Variants in GABBR2 observed in about 807,000 individuals in gnomAD.
GABBR2 encodes gamma-aminobutyric acid type B receptor subunit 2.
GABBR2 carries 23 observed loss-of-function variants against 105.6 expected under a neutral mutation model. The ratio of observed to expected loss-of-function variants is 0.22; its 90% confidence interval spans 0.16 to 0.31. The LOEUF (loss-of-function observed/expected upper bound fraction) is 0.31, where lower values mean the gene tolerates loss of function less well. Ranked by LOEUF, GABBR2 falls within the 10% of genes least tolerant of loss-of-function variation. GABBR2 has a pLI of 1.00. For synonymous variants in GABBR2, 478 were observed against 499.7 expected (o/e 0.96, Z 0.58); for missense variants, 734 against 1,245.5 (o/e 0.59, Z 6.18).
At chr9:98,436,302 TACCCATAA>T (rs1564068029) in intron 7 of GABBR2, among the ~76,000 whole-genome samples, 10 of 93,868 alleles carry the variant, frequency 1.1e-4, no homozygotes, top group Non-Finnish European at 1.6e-4. Context: ...TATATATATA[TACCCATAA>T]ATATACCATA....
intron 1 of GABBR2, among the ~76,000 whole-genome samples, chr9:98,591,512 G>A (rs1179781274): frequency 1.3e-5 from 2 of 152,200 alleles, no homozygotes; most frequent in Non-Finnish European, 1.5e-5. Flanking sequence ...TGGGGCAGAG[G>A]AGGAAGACCC....
At chr9:98,519,182 C>G (rs954559843) in intron 3 of GABBR2, among the ~76,000 whole-genome samples, 1 of 152,210 alleles carries the variant, frequency 6.6e-6, no homozygotes, top group Non-Finnish European at 1.5e-5. Flanking sequence ...GTCTGAGCCC[C>G]TGTCAGATTT....
At chr9:98,503,798 C>T (rs554138418) in intron 3 of GABBR2, among the ~76,000 whole-genome samples, 2 of 152,096 alleles carry the variant, frequency 1.3e-5, no homozygotes, top group South Asian at 2.1e-4. Context: ...CTGGGGCTGC[C>T]GTCACCTAAA....
At chr9:98,591,911 A>G (rs1292943177) in intron 1 of GABBR2, among the ~76,000 whole-genome samples, 4 of 152,248 alleles carry the variant, frequency 2.6e-5, no homozygotes, top group Admixed American at 2.6e-4. Flanking sequence ...TTTGTCATTC[A>G]GCAGAGTTTG....
chr9:98,367,723 C>T (rs987636676), intron 12 of GABBR2, among the ~76,000 whole-genome samples: 3 of 152,152 alleles, frequency 2.0e-5, no homozygotes, highest in South Asian at 2.1e-4. Context: ...AGCCGGTTTG[C>T]GGTGCTGTGG....
intron 1 of GABBR2, among the ~76,000 whole-genome samples, chr9:98,641,634 T>C (rs1365940185): frequency 1.3e-5 from 2 of 152,226 alleles, no homozygotes; most frequent in African/African-American, 4.8e-5. Flanking sequence ...CCTTCCTCTG[T>C]CTTTGCTCCC....
chr9:98,590,665 C>G (rs1020834965), intron 1 of GABBR2, among the ~76,000 whole-genome samples: 2 of 152,230 alleles, frequency 1.3e-5, no homozygotes. Context: ...GGGGCTGGAT[C>G]GCCCTCTTAA....
intron 3 of GABBR2, among the ~76,000 whole-genome samples, chr9:98,503,263 G>T (rs1827441696): frequency 6.6e-6 from 1 of 152,152 alleles, no homozygotes; most frequent in Non-Finnish European, 1.5e-5. Flanking sequence ...GTCCTAGCGG[G>T]CTTAATGCAG....
chr9:98,653,368 A>G (rs1588270214), intron 1 of GABBR2, among the ~76,000 whole-genome samples: 1 of 152,324 alleles, frequency 6.6e-6, no homozygotes, highest in East Asian at 1.9e-4. Context: ...CCTTTCTCTA[A>G]GCAGTTAGTC....
At chr9:98,525,094 T>A (rs1042123080) in intron 3 of GABBR2, among the ~76,000 whole-genome samples, 2 of 152,178 alleles carry the variant, frequency 1.3e-5, no homozygotes, top group Non-Finnish European at 2.9e-5. Flanking sequence ...TTCATGACCT[T>A]GAATTAGACA....
At chr9:98,582,995 T>C (rs1829022600) in intron 1 of GABBR2, among the ~76,000 whole-genome samples, 1 of 152,078 alleles carries the variant, frequency 6.6e-6, no homozygotes, top group South Asian at 2.1e-4. Context: ...ATTCCAATAG[T>C]CTAGAGACTC....
chr9:98,410,888 C>T (rs1458221613), intron 7 of GABBR2, among the ~76,000 whole-genome samples: 1 of 152,180 alleles, frequency 6.6e-6, no homozygotes, highest in Non-Finnish European at 1.5e-5. Flanking sequence ...GCCCAAGGGG[C>T]ATGGCAATTT....
chr9:98,647,176 T>C (rs1261259003), intron 1 of GABBR2, among the ~76,000 whole-genome samples: 1 of 152,230 alleles, frequency 6.6e-6, no homozygotes, highest in East Asian at 1.9e-4. Flanking sequence ...CCCTGTGCTA[T>C]AGAGCTCACC....
At chr9:98,301,916 C>G (rs1830475723) in intron 16 of GABBR2, among the ~76,000 whole-genome samples, 1 of 152,326 alleles carries the variant, frequency 6.6e-6, no homozygotes, top group African/African-American at 2.4e-5. Context: ...TATGGTGGCT[C>G]TCTGTGGCAG....
At chr9:98,621,085 A>G (rs1449273755) in intron 1 of GABBR2, among the ~76,000 whole-genome samples, 1 of 152,196 alleles carries the variant, frequency 6.6e-6, no homozygotes, top group Admixed American at 6.5e-5. Context: ...CGCAGCAATT[A>G]CCCTTGGCTT....
intron 9 of GABBR2, among the ~76,000 whole-genome samples, chr9:98,393,769 C>T (rs1003860010): frequency 6.6e-6 from 1 of 152,180 alleles, no homozygotes; most frequent in South Asian, 2.1e-4. Flanking sequence ...GTCATTTGAG[C>T]TGGTTATAGA....
chr9:98,508,460 C>A lies in GABBR2; in HGVS notation c.631-11946G>T, dbSNP rs141981289. ...GCACCGTGCGCGAGCCAAAGCAGGG[C>A]AAGGCATCGCCTCACCAGGGAAGCG... On this transcript the variant is annotated intron_variant, in intron 3 of 18. Transcript: ENST00000259455. Among the ~76,000 whole-genome samples the A allele has an allele frequency of 7.4e-3, 1,126 of 152,360 alleles. 8 individuals carry two copies. The highest frequency in any genetic ancestry group is 0.012 in the Non-Finnish European group (842 of 68,038).
intron 7 of GABBR2, among the ~76,000 whole-genome samples, chr9:98,421,680 T>C (rs1351114175): frequency 6.6e-6 from 1 of 152,192 alleles, no homozygotes; most frequent in South Asian, 2.1e-4. Flanking sequence ...AAAGGGTTAA[T>C]AGGTAAGCAC....
At chr9:98,505,307 A>C (rs12683969) in intron 3 of GABBR2, among the ~76,000 whole-genome samples, 18,304 of 152,250 alleles carry the variant, frequency 0.12, 1,794 homozygotes, top group East Asian at 0.51. Flanking sequence ...CAGATTTGAA[A>C]GTAAGTGAAA....
Sources: gnomAD v4.1 joint callset for allele counts (sites outside exome capture counted in the v4.1 genomes callset) on GRCh38, gnomAD v4.1.1 for gene constraint, MANE v1.5 for transcripts, NCBI Gene and HGNC (gene_info 2026-07-23, HGNC 2026-07-21) for gene names.